PFKFB4: variants seen among roughly 807,000 people sequenced by gnomAD.
The protein encoded by PFKFB4 is 6-phosphofructo-2-kinase/fructose-2,6-biphosphatase 4.
A neutral mutation model predicts 62.8 loss-of-function variants in PFKFB4; 42 were observed. The observed-to-expected ratio is 0.67, with a 90% confidence interval of 0.52 to 0.86. The LOEUF is 0.86. Ranked by LOEUF, PFKFB4 falls within the 40% of genes least tolerant of loss-of-function variation. The pLI, the probability that PFKFB4 is intolerant of heterozygous loss-of-function variation, is 0.00. For missense variants in PFKFB4, 475 were observed against 627.2 expected, an observed-to-expected ratio of 0.76 and a Z score of 2.59; for synonymous variants, 204 against 240.7, an observed-to-expected ratio of 0.85 and a Z score of 1.41.
intron 12 of PFKFB4, among the ~76,000 whole-genome samples, chr3:48,522,484 C>A (rs1330896427): frequency 6.6e-6 from 1 of 152,230 alleles, no homozygotes. Flanking sequence ...TCAGCTGCCA[C>A]TGGGCTTCAC....
upstream of PFKFB4, chr3:48,562,686 A>C: frequency 8.4e-7 from 1 of 1,183,474 alleles, no homozygotes; most frequent in Non-Finnish European, 1.2e-6. The surrounding 1 kb of genome is among the most constrained non-coding windows in gnomAD (Gnocchi z 4.3). Flanking sequence ...GCGTCCAGAC[A>C]CTGTATGCCC....
chr3:48,550,045 G>T (rs773655831), intron 2 of PFKFB4, 73 bp downstream of exon 2: 1 of 1,415,796 alleles, frequency 7.1e-7, no homozygotes, highest in Non-Finnish European at 1.0e-6. Flanking sequence ...CCAAATAATA[G>T]AGAATAGGCC....
At chr3:48,555,283 C>A (rs906001140) in intron 1 of PFKFB4, among the ~76,000 whole-genome samples, 5 of 152,174 alleles carry the variant, frequency 3.3e-5, no homozygotes, top group African/African-American at 1.2e-4. Context: ...TGAGTTACCA[C>A]GACTTGGTCT....
In PFKFB4 at chr3:48,519,519, C is replaced by G; in HGVS notation, c.*228G>C. 1 of 541,942 alleles carries G rather than the reference C, an allele frequency of 1.8e-6. No homozygotes were observed. The allele number at this position is 541,942 out of a possible 1,614,324, so 33.6% of individuals were successfully genotyped here. ...TCCGCGCAGCCCATGCAGATGCAGT[C>G]TGGTCAAGTGACTCTTAGCAGCAGG... is the stretch of plus-strand genomic sequence containing the variant. On this transcript the variant is annotated 3_prime_UTR_variant, in exon 14 of 14. Transcript: ENST00000232375.
chr3:48,556,640 C>T lies in PFKFB4; in HGVS notation c.97+41G>A, dbSNP rs780845394. On this transcript the variant is annotated intron_variant, in intron 1 of 13. Coordinates refer to ENST00000232375, the MANE Select transcript of PFKFB4 (RefSeq NM_004567.4). The surrounding 1 kb of genome is among the most constrained non-coding windows in gnomAD (Gnocchi z 5.7). ...GCCCAGGCCGCCCTACCCACCCATCCCGGTGCACCTCCCACCTCCTCCCAG... is the reference window on the plus strand; with the variant it reads ...GCCCAGGCCGCCCTACCCACCCATCTCGGTGCACCTCCCACCTCCTCCCAG... 53 of 1,596,058 alleles carry T rather than the reference C, an allele frequency of 3.3e-5. No homozygotes were observed. The highest frequency in any genetic ancestry group is 1.6e-4 in the Admixed American group (9 of 57,534).
chr3:48,547,308 G>C (rs2042994617), intron 3 of PFKFB4, among the ~76,000 whole-genome samples: 1 of 152,140 alleles, frequency 6.6e-6, no homozygotes, highest in Admixed American at 6.5e-5. Flanking sequence ...GTGTGCATGT[G>C]TATGTACCCT....
At chr3:48,557,007 G>A (rs1467590395), upstream of PFKFB4, 3 of 1,354,380 alleles carry the variant, frequency 2.2e-6, no homozygotes, top group African/African-American at 1.5e-5. Flanking sequence ...TGGAACAAGT[G>A]GGCCCAGTTC....
At chr3:48,547,631 A>C (rs1347621821) in intron 3 of PFKFB4, among the ~76,000 whole-genome samples, 1 of 152,058 alleles carries the variant, frequency 6.6e-6, no homozygotes, top group Non-Finnish European at 1.5e-5. Context: ...GCCCCACCAC[A>C]TGTGGCTAAT....
chr3:48,555,964 G>T, intron 1 of PFKFB4: 1 of 357,834 alleles, frequency 2.8e-6, no homozygotes, highest in Admixed American at 3.7e-5. Context: ...CAAGGAAGCG[G>T]TTTAAACACC....
intron 7 of PFKFB4, among the ~76,000 whole-genome samples, chr3:48,538,112 T>C (rs1336234088): frequency 6.6e-6 from 1 of 152,232 alleles, no homozygotes. Flanking sequence ...ATATCATCTA[T>C]GTTTCATTTG....
At position 48,543,593 on chromosome 3, in the gene PFKFB4, CCCT is replaced by C. The variant is rs2042864705; in HGVS notation, c.362_364del (p.Glu121del). 2 of 1,610,266 alleles carry C rather than the reference CCCT, an allele frequency of 1.2e-6. No homozygotes were observed. The highest frequency in any genetic ancestry group is 1.7e-5 in the Admixed American group (1 of 59,530). ...TGTCACACTCACCGCCACATGTCCC[CCCT>C]CCTCACTAAGGAACCGCCGGACGTC... On this transcript the variant is annotated inframe_deletion, in exon 4 of 14. Coordinates refer to ENST00000232375, the MANE Select transcript of PFKFB4 (RefSeq NM_004567.4).
intron 3 of PFKFB4, among the ~76,000 whole-genome samples, chr3:48,547,621 G>A (rs966048526): frequency 2.6e-5 from 4 of 152,104 alleles, no homozygotes; most frequent in Non-Finnish European, 5.9e-5. Context: ...GATGACAGGC[G>A]CCCCACCACA....
upstream of PFKFB4, chr3:48,561,308 G>A (rs950087492): frequency 1.1e-5 from 3 of 277,486 alleles, no homozygotes; most frequent in South Asian, 2.8e-5. The surrounding 1 kb of genome is among the most constrained non-coding windows in gnomAD (Gnocchi z 5.2). Context: ...CCAGTCAGCC[G>A]GCCACGCTGT....
chr3:48,522,129 G>C, intron 12 of PFKFB4, 79 bp from the exon 13 acceptor site: 3 of 1,307,716 alleles, frequency 2.3e-6, no homozygotes, highest in Non-Finnish European at 3.3e-6. Context: ...TCTCTTGGAG[G>C]GGGGTCTGGG....
At position 48,518,162 on chromosome 3, in the gene PFKFB4, G is replaced by T. The variant is rs2041975484; in HGVS notation, c.*1585C>A. 6.6e-6 allele frequency: 1 copy of T among 152,362 alleles called. No individual in the cohort carries two copies. Among genetic ancestry groups the T allele is most frequent in the African/African-American group, 2.4e-5 (1 of 41,480 alleles). The allele number at this position is 152,362 out of a possible 1,614,324, so 9.4% of individuals were successfully genotyped here. A position where few individuals can be genotyped will look rare whatever the true frequency, so the allele number is the denominator to read the frequency against. The stretch of plus-strand genomic sequence containing the variant: ...AATGTCCCAAAGGCATGGTCCTTGG[G>T]CTCTGGGTCTAAAGGGCTTGGGGCT... On this transcript the variant is annotated 3_prime_UTR_variant, in exon 14 of 14. Transcript: ENST00000232375.
upstream of PFKFB4, chr3:48,557,006 T>C (rs963424079): frequency 7.4e-6 from 10 of 1,348,306 alleles, no homozygotes; most frequent in South Asian, 1.6e-5. Flanking sequence ...TTGGAACAAG[T>C]GGGCCCAGTT....
chr3:48,562,148 AG>A (rs2043441361), upstream of PFKFB4: 1 of 152,892 alleles, frequency 6.5e-6, no homozygotes, highest in Non-Finnish European at 1.5e-5. The surrounding 1 kb of genome is among the most constrained non-coding windows in gnomAD (Gnocchi z 4.3). Context: ...CCATAAGACA[AG>A]GCTGCCATGG....
chr3:48,533,579 G>A (rs992655934), intron 9 of PFKFB4, among the ~76,000 whole-genome samples: 7 of 152,202 alleles, frequency 4.6e-5, no homozygotes, highest in Admixed American at 1.3e-4. Flanking sequence ...AATTGGCAGG[G>A]CGCTGTGGCT....
At chr3:48,557,441 C>T (rs1378925496), upstream of PFKFB4, among the ~76,000 whole-genome samples, 1 of 152,258 alleles carries the variant, frequency 6.6e-6, no homozygotes, top group East Asian at 1.9e-4. Context: ...CATGCTCAAC[C>T]ACGCTGGAAA....
Sources: gnomAD v4.1 joint callset for allele counts (sites outside exome capture counted in the v4.1 genomes callset) on GRCh38, gnomAD v4.1.1 for gene constraint, Gnocchi (gnomAD v3.1) non-coding constraint, MANE v1.5 for transcripts, NCBI Gene and HGNC (gene_info 2026-07-23, HGNC 2026-07-21) for gene names.